Variants in PLCXD2 observed in about 807,000 individuals in gnomAD.
PLCXD2 encodes the protein phosphatidylinositol specific phospholipase C X domain containing 2.
Under a neutral mutation model 28.6 loss-of-function variants are expected in PLCXD2, and 21 were observed. The ratio of observed to expected loss-of-function variants is 0.73; its 90% CI spans 0.52 to 1.06. The LOEUF is 1.06. Among genes scored for constraint, PLCXD2 ranks in the 50% least tolerant of loss-of-function variants. The probability of loss-of-function intolerance (pLI) is 0.00; values close to 1 mark genes in which losing one functional copy is unlikely to be tolerated. For missense variants in PLCXD2, 369 were observed against 376.7 expected, an observed-to-expected ratio of 0.98 and a Z score of 0.17; for synonymous variants, 140 against 150.1, an observed-to-expected ratio of 0.93 and a Z score of 0.49.
At chr3:111,685,019 G>A (rs1213615660) in intron 1 of PLCXD2, among the ~76,000 whole-genome samples, 2 of 152,172 alleles carry the variant, frequency 1.3e-5, no homozygotes, top group African/African-American at 2.4e-5. Context: ...CAGGTTTAGA[G>A]GTGGTGGAAG....
chr3:111,696,633 G>A (rs958295492), intron 1 of PLCXD2, among the ~76,000 whole-genome samples: 9 of 152,104 alleles, frequency 5.9e-5, no homozygotes, highest in Non-Finnish European at 1.3e-4. Context: ...ACAGACATGT[G>A]ACCTAAAATT....
At position 111,704,246 on chromosome 3, in the gene PLCXD2, A is replaced by G. The variant is rs188078461; in HGVS notation, c.164-3680A>G. Among the ~76,000 whole-genome samples, 376 of 151,894 alleles carry G rather than the reference A, an allele frequency of 2.5e-3. 3 individuals carry two copies. The highest frequency in any genetic ancestry group is 7.5e-3 in the African/African-American group (310 of 41,162). On this transcript the variant is annotated intron_variant, in intron 1 of 4. Transcript: ENST00000477665. The stretch of plus-strand genomic sequence containing the variant: ...AGGTTAGTAGTGCCAAAGCAAAGGC[A>G]TTTTCCTTCTAGATTTTACTTGCAA...
intron 3 of PLCXD2, chr3:111,721,072 C>G: frequency 5.5e-6 from 2 of 363,096 alleles, no homozygotes; most frequent in Non-Finnish European, 9.8e-6. Flanking sequence ...CCAAATGAGA[C>G]TTTTTTTAAA....
rs73852856 is a variant in PLCXD2 at position 111,675,524 on chromosome 3, T to C, written c.163+116T>C. On this transcript the variant is annotated intron_variant, in intron 1 of 4. Coordinates refer to ENST00000477665, the MANE Select transcript of PLCXD2 (RefSeq NM_001185106.1). ...AAATTAATTGTCAGTGACCCCTTTT[T>C]ATTTCCAAACCAAAAACTTAACACT... 2,062 of 1,266,166 alleles carry C rather than the reference T, an allele frequency of 1.6e-3. 24 individuals carry two copies. The African/African-American group carries it at 0.027, about 17-fold the overall frequency. 78.4% of individuals were successfully genotyped at this position (1,266,166 alleles called of 1,614,324 possible). A position where few individuals can be genotyped will look rare whatever the true frequency, so the allele number is the denominator to read the frequency against.
At chr3:111,717,796 A>G (rs1941288643) in intron 3 of PLCXD2, among the ~76,000 whole-genome samples, 2 of 152,186 alleles carry the variant, frequency 1.3e-5, no homozygotes, top group South Asian at 4.1e-4. Flanking sequence ...CAGGTTCAGT[A>G]CTACTGTGTC....
chr3:111,717,263 A>G lies in PLCXD2; in HGVS notation c.866+3135A>G, dbSNP rs574931165. Among the ~76,000 whole-genome samples, 5 of 151,966 alleles carry G rather than the reference A, an allele frequency of 3.3e-5. No individual in the cohort carries two copies. In the East Asian group the frequency reaches 9.7e-4, roughly 30 times the overall value. On this transcript the variant is annotated intron_variant, in intron 3 of 4. Coordinates refer to ENST00000477665, the MANE Select transcript of PLCXD2 (RefSeq NM_001185106.1). Reference sequence around the variant, plus strand: ...CCACAGTGGCTGGCAGAAAATAGACATGCCATCCCTATTTGTAAAGACACC... The same window carrying G: ...CCACAGTGGCTGGCAGAAAATAGACGTGCCATCCCTATTTGTAAAGACACC...
chr3:111,724,473 G>A (rs1941388822), intron 3 of PLCXD2: 1 of 152,268 alleles, frequency 6.6e-6, no homozygotes, highest in Admixed American at 6.5e-5. Context: ...ATAAGACAAC[G>A]TAGTAGAGTA....
chr3:111,681,173 A>G (rs1940709015), intron 1 of PLCXD2, among the ~76,000 whole-genome samples: 1 of 152,150 alleles, frequency 6.6e-6, no homozygotes. Context: ...TAAGGGAAGG[A>G]TACACGGAGG....
intron 3 of PLCXD2, among the ~76,000 whole-genome samples, chr3:111,715,371 G>A (rs1223417723): frequency 6.6e-6 from 1 of 151,980 alleles, no homozygotes; most frequent in African/African-American, 2.4e-5. Flanking sequence ...AACAAACATT[G>A]AGCACCTAGG....
intron 3 of PLCXD2, chr3:111,725,901 G>T: frequency 2.5e-6 from 1 of 398,484 alleles, no homozygotes; most frequent in Non-Finnish European, 4.4e-6. Flanking sequence ...TCCATCATCT[G>T]CTGATTATTG....
intron 2 of PLCXD2, among the ~76,000 whole-genome samples, chr3:111,708,876 G>A (rs73852864): frequency 0.014 from 2,070 of 151,594 alleles, 43 homozygotes; most frequent in African/African-American, 0.048. Context: ...GGGTCTTAGA[G>A]GGAGAGAGAG....
intron 3 of PLCXD2, chr3:111,724,031 G>A (rs1941382526): frequency 6.6e-6 from 1 of 152,102 alleles, no homozygotes; most frequent in South Asian, 2.1e-4. Flanking sequence ...CCATGGCTTT[G>A]TGGCAAAGGG....
At chr3:111,704,011 T>C (rs1941082818) in intron 1 of PLCXD2, among the ~76,000 whole-genome samples, 1 of 152,214 alleles carries the variant, frequency 6.6e-6, no homozygotes, top group African/African-American at 2.4e-5. Flanking sequence ...CTTTTTCACT[T>C]TATTTCTTAG....
intron 1 of PLCXD2, among the ~76,000 whole-genome samples, chr3:111,698,494 C>G (rs1468062140): frequency 6.6e-6 from 1 of 152,202 alleles, no homozygotes; most frequent in Non-Finnish European, 1.5e-5. Context: ...TAGTATCTTA[C>G]AAAGTGCAAG....
intron 1 of PLCXD2, among the ~76,000 whole-genome samples, chr3:111,678,327 A>T (rs1183340267): frequency 6.6e-6 from 1 of 152,246 alleles, no homozygotes; most frequent in Non-Finnish European, 1.5e-5. Flanking sequence ...ACTGTATAGA[A>T]TCATTTGATG....
chr3:111,693,998 C>A (rs1940925455), intron 1 of PLCXD2, among the ~76,000 whole-genome samples: 1 of 152,216 alleles, frequency 6.6e-6, no homozygotes, highest in Non-Finnish European at 1.5e-5. Context: ...ATAGGCTACC[C>A]CTTCAAGCTG....
chr3:111,682,542 C>T (rs1940732862), intron 1 of PLCXD2, among the ~76,000 whole-genome samples: 1 of 152,154 alleles, frequency 6.6e-6, no homozygotes, highest in Non-Finnish European at 1.5e-5. Flanking sequence ...AAATAGTACA[C>T]ATTTGTGCGC....
intron 1 of PLCXD2, among the ~76,000 whole-genome samples, chr3:111,692,264 C>T (rs1320013188): frequency 2.0e-5 from 3 of 152,222 alleles, no homozygotes; most frequent in South Asian, 4.1e-4. Context: ...AGGATGGTCT[C>T]GATCTCCTGA....
intron 1 of PLCXD2, among the ~76,000 whole-genome samples, chr3:111,703,181 T>TCTGTC (rs891233684): frequency 2.6e-5 from 4 of 152,192 alleles, no homozygotes; most frequent in African/African-American, 7.2e-5. Flanking sequence ...GCTTCATTGT[T>TCTGTC]CTGTCCTGTC....
Sources: gnomAD v4.1 joint callset for allele counts (sites outside exome capture counted in the v4.1 genomes callset) on GRCh38, gnomAD v4.1.1 for gene constraint, MANE v1.5 for transcripts, NCBI Gene and HGNC (gene_info 2026-07-23, HGNC 2026-07-21) for gene names.